The following GMDS variants were observed in gnomAD, a reference collection of about 807,000 sequenced individuals.
GMDS encodes GDP-mannose 4,6-dehydratase.
GMDS carries 20 observed loss-of-function variants against 49.9 expected under a neutral mutation model. The observed-to-expected ratio is 0.40, with a 90% CI of 0.28 to 0.58. The LOEUF is 0.58. GMDS is among the 20% of genes least tolerant of loss of function. The pLI is 0.42. For synonymous variants in GMDS, 177 were observed against 178.6 expected (o/e 0.99, Z 0.07); for missense variants, 362 against 481.4 (o/e 0.75, Z 2.32).
intron 7 of GMDS, among the ~76,000 whole-genome samples, chr6:1,769,582 G>A (rs953335752): frequency 2.0e-5 from 3 of 152,230 alleles, no homozygotes; most frequent in Non-Finnish European, 4.4e-5. Context: ...AATTGGCCAG[G>A]AGGAAGACTG....
chr6:1,730,218 A>G (rs1766738588), intron 8 of GMDS, among the ~76,000 whole-genome samples: 2 of 152,234 alleles, frequency 1.3e-5, no homozygotes, highest in Non-Finnish European at 2.9e-5. Context: ...TTCTGGATAA[A>G]GATGGTGGTT....
chr6:2,124,224 C>A (rs1373780572), intron 2 of GMDS, among the ~76,000 whole-genome samples: 1 of 152,104 alleles, frequency 6.6e-6, no homozygotes, highest in Non-Finnish European at 1.5e-5. Flanking sequence ...GTTTCAGCTC[C>A]ATAAAATATA....
intron 1 of GMDS, among the ~76,000 whole-genome samples, chr6:2,213,482 T>G (rs1780165182): frequency 6.6e-6 from 1 of 152,118 alleles, no homozygotes; most frequent in Non-Finnish European, 1.5e-5. Flanking sequence ...AAACTCACTT[T>G]GAAAAAGGAG....
At chr6:1,957,423 A>C (rs903654118) in intron 6 of GMDS, among the ~76,000 whole-genome samples, 5 of 152,252 alleles carry the variant, frequency 3.3e-5, no homozygotes, top group African/African-American at 1.2e-4. Context: ...TTAATGATCA[A>C]GTTTTAAGAA....
chr6:1,887,075 A>T (rs1172169487), intron 7 of GMDS, among the ~76,000 whole-genome samples: 3 of 152,216 alleles, frequency 2.0e-5, no homozygotes, highest in African/African-American at 7.2e-5. Flanking sequence ...ACATGTAGAG[A>T]GGGTAAGCAA....
chr6:2,052,834 C>T (rs1009602787), intron 4 of GMDS, among the ~76,000 whole-genome samples: 75 of 152,270 alleles, frequency 4.9e-4, no homozygotes, highest in Admixed American at 6.5e-4. Flanking sequence ...GAAACTAGCC[C>T]TAGGACCAAG....
At chr6:2,153,935 CA>C (rs2127539897) in intron 1 of GMDS, among the ~76,000 whole-genome samples, 2 of 152,032 alleles carry the variant, frequency 1.3e-5, no homozygotes, top group East Asian at 3.9e-4. Context: ...GAAAACATAC[CA>C]AAAATTATAC....
chr6:1,965,689 C>T (rs747803219), intron 4 of GMDS, among the ~76,000 whole-genome samples: 3 of 151,900 alleles, frequency 2.0e-5, no homozygotes, highest in Non-Finnish European at 2.9e-5. Flanking sequence ...AAAAATTAGC[C>T]GGCTGTGGTG....
At chr6:1,776,403 T>G (rs1462835517) in intron 7 of GMDS, among the ~76,000 whole-genome samples, 1 of 152,032 alleles carries the variant, frequency 6.6e-6, no homozygotes, top group Non-Finnish European at 1.5e-5. Context: ...AAATGGTCTG[T>G]GGGGCCAGGT....
intron 7 of GMDS, among the ~76,000 whole-genome samples, chr6:1,781,055 C>G (rs1441290386): frequency 6.6e-6 from 1 of 152,018 alleles, no homozygotes; most frequent in African/African-American, 2.4e-5. Flanking sequence ...GCATCGAATC[C>G]CAAGCGCTCG....
chr6:2,211,165 C>T (rs765851105), intron 1 of GMDS, among the ~76,000 whole-genome samples: 11 of 152,154 alleles, frequency 7.2e-5, no homozygotes, highest in Non-Finnish European at 5.9e-5. Flanking sequence ...TGAGAACGGA[C>T]TAACACAGTG....
chr6:1,902,037 C>T (rs752677014), intron 7 of GMDS, among the ~76,000 whole-genome samples: 3 of 152,258 alleles, frequency 2.0e-5, no homozygotes, highest in Non-Finnish European at 2.9e-5. Context: ...CTAATGGATG[C>T]GAAAATCTGG....
intron 7 of GMDS, among the ~76,000 whole-genome samples, chr6:1,799,332 T>C (rs1331309605): frequency 6.6e-6 from 1 of 152,162 alleles, no homozygotes; most frequent in African/African-American, 2.4e-5. Flanking sequence ...TCTCTAACGA[T>C]GATATGCTGG....
intron 9 of GMDS, among the ~76,000 whole-genome samples, chr6:1,716,618 G>T (rs1033251998): frequency 6.6e-6 from 1 of 152,150 alleles, no homozygotes; most frequent in Non-Finnish European, 1.5e-5. Flanking sequence ...GGCCAGGGCA[G>T]GGTGTGGTGA....
At chr6:1,942,504 T>C (rs1762869323) in intron 6 of GMDS, among the ~76,000 whole-genome samples, 1 of 152,196 alleles carries the variant, frequency 6.6e-6, no homozygotes, top group Admixed American at 6.5e-5. Flanking sequence ...CTACTGGGAC[T>C]GGTTGAGGGA....
chr6:1,830,282 T>C (rs1378073596), intron 7 of GMDS, among the ~76,000 whole-genome samples: 1 of 152,188 alleles, frequency 6.6e-6, no homozygotes, highest in Non-Finnish European at 1.5e-5. Flanking sequence ...TACTGACATT[T>C]TGTGACAAAT....
chr6:2,141,032 G>T (rs893166761), intron 1 of GMDS, among the ~76,000 whole-genome samples: 1 of 152,172 alleles, frequency 6.6e-6, no homozygotes, highest in African/African-American at 2.4e-5. Context: ...ATAAAAGAAT[G>T]AAAGAAGTGT....
At chr6:2,188,094 C>T (rs1457272713) in intron 1 of GMDS, among the ~76,000 whole-genome samples, 2 of 152,208 alleles carry the variant, frequency 1.3e-5, no homozygotes, top group South Asian at 4.1e-4. Flanking sequence ...TCAATTCAGG[C>T]TGACAACCTG....
intron 4 of GMDS, among the ~76,000 whole-genome samples, chr6:1,965,156 C>T (rs914884135): frequency 5.3e-5 from 8 of 152,066 alleles, no homozygotes; most frequent in African/African-American, 1.9e-4. Flanking sequence ...GTCTTTATAG[C>T]AGCATGATTT....
Sources: gnomAD v4.1 joint callset for allele counts (sites outside exome capture counted in the v4.1 genomes callset) on GRCh38, gnomAD v4.1.1 for gene constraint, MANE v1.5 for transcripts, NCBI Gene and HGNC (gene_info 2026-07-23, HGNC 2026-07-21) for gene names.